Variants in FBXL17 observed in about 807,000 individuals in gnomAD.
FBXL17 encodes the protein F-box/LRR-repeat protein 17.
Under a neutral mutation model 66.2 loss-of-function variants are expected in FBXL17, and 22 were observed. The ratio of observed to expected loss-of-function variants is 0.33; its 90% CI spans 0.24 to 0.47. FBXL17 has a LOEUF of 0.47. Ranked by LOEUF, FBXL17 falls within the 20% of genes least tolerant of loss-of-function variation. The pLI is 1.00. For synonymous variants in FBXL17, 474 were observed against 400.5 expected (o/e 1.18, Z -2.19); for missense variants, 878 against 948.2 (o/e 0.93, Z 0.97).
chr5:108,089,612 T>C (rs898040770), intron 6 of FBXL17, among the ~76,000 whole-genome samples: 1 of 152,154 alleles, frequency 6.6e-6, no homozygotes, highest in Non-Finnish European at 1.5e-5. Context: ...CTGTATTTGT[T>C]TGTGATTATT....
At chr5:108,066,345 T>C (rs1217630585) in intron 6 of FBXL17, among the ~76,000 whole-genome samples, 1 of 152,136 alleles carries the variant, frequency 6.6e-6, no homozygotes, top group East Asian at 1.9e-4. Flanking sequence ...AACGCCCACA[T>C]TAGCATTGTA....
intron 4 of FBXL17, among the ~76,000 whole-genome samples, chr5:108,310,056 T>C (rs1759043655): frequency 6.6e-6 from 1 of 152,140 alleles, no homozygotes; most frequent in African/African-American, 2.4e-5. Flanking sequence ...TTTAAGGTTT[T>C]TTAAAGGCAG....
At chr5:108,263,997 C>T (rs1756941633) in intron 4 of FBXL17, among the ~76,000 whole-genome samples, 1 of 151,862 alleles carries the variant, frequency 6.6e-6, no homozygotes, top group Non-Finnish European at 1.5e-5. Context: ...GGGTAGATCA[C>T]GAGGTCAGGA....
chr5:107,954,859 A>T (rs547497970), intron 7 of FBXL17, among the ~76,000 whole-genome samples: 1 of 152,314 alleles, frequency 6.6e-6, no homozygotes, highest in East Asian at 1.9e-4. Context: ...TCCTATCTAT[A>T]AAATGAGGCT....
chr5:107,936,810 G>A (rs373433665), intron 7 of FBXL17, among the ~76,000 whole-genome samples: 2 of 151,998 alleles, frequency 1.3e-5, no homozygotes, highest in Admixed American at 6.6e-5. Flanking sequence ...GTGGCAAGAC[G>A]ACTTTTTAAA....
At chr5:107,974,041 T>C (rs1228709064) in intron 7 of FBXL17, among the ~76,000 whole-genome samples, 5 of 152,124 alleles carry the variant, frequency 3.3e-5, no homozygotes, top group Non-Finnish European at 5.9e-5. Flanking sequence ...TTTGGGTAGA[T>C]TTGCTATTTG....
At chr5:108,300,607 T>TA (rs1758544891) in intron 4 of FBXL17, among the ~76,000 whole-genome samples, 1 of 151,800 alleles carries the variant, frequency 6.6e-6, no homozygotes, top group Non-Finnish European at 1.5e-5. Flanking sequence ...ACAGAAGAAA[T>TA]AGTTTTATTT....
chr5:108,034,080 T>C (rs1580353472), intron 6 of FBXL17, among the ~76,000 whole-genome samples: 1 of 152,198 alleles, frequency 6.6e-6, no homozygotes, highest in Non-Finnish European at 1.5e-5. Context: ...TGCTAGTTCT[T>C]TGGGATATCT....
intron 4 of FBXL17, among the ~76,000 whole-genome samples, chr5:108,307,475 T>C (rs1476265410): frequency 6.6e-6 from 1 of 151,936 alleles, no homozygotes; most frequent in East Asian, 1.9e-4. Context: ...GCCACCTAAT[T>C]TTTTAATTTT....
chr5:108,268,231 A>G (rs768671941), intron 4 of FBXL17, among the ~76,000 whole-genome samples: 3 of 152,006 alleles, frequency 2.0e-5, no homozygotes, highest in Admixed American at 6.6e-5. Flanking sequence ...TGACACTTCT[A>G]TTTTCATTTT....
At chr5:108,104,881 C>A (rs1218767245) in intron 6 of FBXL17, among the ~76,000 whole-genome samples, 4 of 152,038 alleles carry the variant, frequency 2.6e-5, no homozygotes, top group Admixed American at 6.6e-5. Context: ...CGCTCTGTTG[C>A]CCAGGCTTGG....
intron 4 of FBXL17, among the ~76,000 whole-genome samples, chr5:108,226,378 T>G (rs1755101088): frequency 6.6e-6 from 1 of 152,226 alleles, no homozygotes; most frequent in South Asian, 2.1e-4. Context: ...ACCTTTTACT[T>G]CTACTTTATT....
intron 5 of FBXL17, among the ~76,000 whole-genome samples, chr5:108,193,564 G>A (rs1695330886): frequency 1.3e-5 from 2 of 152,072 alleles, no homozygotes; most frequent in African/African-American, 4.8e-5. Flanking sequence ...AGGGAACAAG[G>A]GGTATGACTA....
intron 5 of FBXL17, among the ~76,000 whole-genome samples, chr5:108,215,858 G>A (rs1185367182): frequency 1.3e-5 from 2 of 152,092 alleles, no homozygotes; most frequent in African/African-American, 4.8e-5. Flanking sequence ...TTTGAACCAT[G>A]TTATAGTTAA....
chr5:108,025,711 ACACACACG>A (rs1481848617), intron 6 of FBXL17, among the ~76,000 whole-genome samples: 3 of 125,258 alleles, frequency 2.4e-5, no homozygotes, highest in African/African-American at 1.1e-4. Context: ...ACAAACACAC[ACACACACG>A]CGCGCGCGCA....
intron 7 of FBXL17, among the ~76,000 whole-genome samples, chr5:107,994,707 A>G (rs1561357623): frequency 1.3e-5 from 2 of 151,886 alleles, no homozygotes; most frequent in Non-Finnish European, 2.9e-5. Context: ...GCGCGGTGGC[A>G]GGTGCCTATA....
intron 7 of FBXL17, among the ~76,000 whole-genome samples, chr5:107,962,203 G>A (rs965534326): frequency 6.6e-6 from 1 of 152,110 alleles, no homozygotes; most frequent in Non-Finnish European, 1.5e-5. Context: ...TGAACCGTAC[G>A]CTTAAAAATG....
intron 7 of FBXL17, among the ~76,000 whole-genome samples, chr5:107,902,099 T>C (rs1449664250): frequency 6.6e-6 from 1 of 152,214 alleles, no homozygotes; most frequent in African/African-American, 2.4e-5. Flanking sequence ...AACCAGTTTG[T>C]GAGCTGAATA....
At chr5:107,877,612 G>A (rs1219026816) in intron 8 of FBXL17, among the ~76,000 whole-genome samples, 6 of 152,100 alleles carry the variant, frequency 3.9e-5, no homozygotes, top group Admixed American at 1.3e-4. Context: ...ACAGGATCAC[G>A]GAATGCCAGC....
Sources: gnomAD v4.1 joint callset for allele counts (sites outside exome capture counted in the v4.1 genomes callset) on GRCh38, gnomAD v4.1.1 for gene constraint, MANE v1.5 for transcripts, NCBI Gene and HGNC (gene_info 2026-07-23, HGNC 2026-07-21) for gene names.